TOP1: variants seen among roughly 807,000 people sequenced by gnomAD.
TOP1 encodes the protein DNA topoisomerase I, also known as DNA topoisomerase 1.
In TOP1, 10 loss-of-function variants were observed where a neutral mutation model predicts 111.1. The ratio of observed to expected loss-of-function variants is 0.09; its 90% CI spans 0.06 to 0.15. The LOEUF (loss-of-function observed/expected upper bound fraction) is 0.15, where lower values mean the gene tolerates loss of function less well. Ranked by LOEUF, TOP1 falls within the 10% of genes least tolerant of loss-of-function variation. TOP1 has a pLI of 1.00. For synonymous variants in TOP1, 271 were observed against 302.9 expected (o/e 0.89, Z 1.10); for missense variants, 474 against 926.7 (o/e 0.51, Z 6.34).
intron 2 of TOP1, among the ~76,000 whole-genome samples, chr20:41,054,545 T>C (rs2033445960): frequency 6.6e-6 from 1 of 152,248 alleles, no homozygotes; most frequent in African/African-American, 2.4e-5. Flanking sequence ...GAACTGGGAC[T>C]ATTTCTCTAT....
chr20:41,055,997 T>C (rs1320382993), intron 2 of TOP1, among the ~76,000 whole-genome samples: 1 of 152,116 alleles, frequency 6.6e-6, no homozygotes, highest in Non-Finnish European at 1.5e-5. Context: ...CATAGAGAAA[T>C]ATAATGAACT....
At chr20:41,052,024 T>A (rs2033412049) in intron 2 of TOP1, among the ~76,000 whole-genome samples, 1 of 152,188 alleles carries the variant, frequency 6.6e-6, no homozygotes, top group Non-Finnish European at 1.5e-5. Flanking sequence ...ATCACTGAAA[T>A]TTTCTGAGCC....
intron 2 of TOP1, among the ~76,000 whole-genome samples, chr20:41,054,602 G>A (rs2033447066): frequency 6.6e-6 from 1 of 152,180 alleles, no homozygotes; most frequent in Non-Finnish European, 1.5e-5. Flanking sequence ...TTGAAAGCAC[G>A]CTAGCATGGT....
At chr20:41,073,910 C>T (rs1377299677) in intron 3 of TOP1, among the ~76,000 whole-genome samples, 1 of 152,100 alleles carries the variant, frequency 6.6e-6, no homozygotes, top group Non-Finnish European at 1.5e-5. Flanking sequence ...GCAATTGTTC[C>T]CAGATGTTTT....
intron 14 of TOP1, among the ~76,000 whole-genome samples, chr20:41,113,727 A>G (rs113938402): frequency 4.0e-5 from 6 of 150,878 alleles, no homozygotes; most frequent in Non-Finnish European, 8.9e-5. Flanking sequence ...AAAAAAAAAA[A>G]AAAAATAAAA....
intron 2 of TOP1, among the ~76,000 whole-genome samples, chr20:41,038,363 G>A (rs1048891623): frequency 6.6e-6 from 1 of 152,144 alleles, no homozygotes; most frequent in Non-Finnish European, 1.5e-5. Context: ...TTTATGAAAG[G>A]TGAAGCTTAG....
intron 6 of TOP1, 121 bp from the exon 7 acceptor site, chr20:41,081,044 C>A: frequency 1.2e-6 from 1 of 803,816 alleles, no homozygotes; most frequent in Non-Finnish European, 1.9e-6. Flanking sequence ...GTAGAATGCC[C>A]AGCCAAGAAT....
chr20:41,035,231 C>T (rs575109524), intron 2 of TOP1, among the ~76,000 whole-genome samples: 2 of 152,220 alleles, frequency 1.3e-5, no homozygotes, highest in East Asian at 3.9e-4. Flanking sequence ...TTGTCTTAAG[C>T]TTCTAGTTTC....
Position 41,030,994 on chromosome 20 carries a change from A to G in TOP1, c.58+1539A>G, listed in dbSNP as rs1261189366. Among the ~76,000 whole-genome samples, 2 of 152,230 alleles carry G rather than the reference A, an allele frequency of 1.3e-5. No individual in the cohort carries two copies. The highest frequency in any genetic ancestry group is 2.9e-5 in the Non-Finnish European group (2 of 68,038). Reference sequence around the variant, plus strand: ...TTGGGGGAGACATAATTAGTTAATTATAAGGTAACTACTGGGGCATATGTG... The same window carrying G: ...TTGGGGGAGACATAATTAGTTAATTGTAAGGTAACTACTGGGGCATATGTG... On this transcript the variant is annotated intron_variant, in intron 2 of 20. Transcript: ENST00000361337. This position sits in a 1 kb window ranked among gnomAD's most constrained non-coding sequence, Gnocchi z 4.1.
Position 41,112,574 on chromosome 20 carries a change from T to C in TOP1, c.1309-208T>C, listed in dbSNP as rs549580892. 6.6e-6 allele frequency among the ~76,000 whole-genome samples: 1 copy of C among 152,380 alleles called. No individual in the cohort carries two copies. The highest frequency in any genetic ancestry group is 2.1e-4 in the South Asian group (1 of 4,832). Reference sequence around the variant, plus strand: ...CAAGTTCCTGCTCTTTTGTTCAAAGTCTTGCTTTGTCACCCATGGTGGAGT... The same window carrying C: ...CAAGTTCCTGCTCTTTTGTTCAAAGCCTTGCTTTGTCACCCATGGTGGAGT... On this transcript the variant is annotated intron_variant, in intron 13 of 20. Transcript: ENST00000361337. This position sits in a 1 kb window ranked among gnomAD's most constrained non-coding sequence, Gnocchi z 5.8.
At chr20:41,113,603 C>T (rs1352249781) in intron 14 of TOP1, among the ~76,000 whole-genome samples, 2 of 151,570 alleles carry the variant, frequency 1.3e-5, no homozygotes, top group South Asian at 2.1e-4. Flanking sequence ...AAAGGCTGGG[C>T]GCAGTGGCTC....
rs887123467 is a variant in TOP1 at position 41,071,916 on chromosome 20, C to G, written c.156-4255C>G. On this transcript the variant is annotated intron_variant, in intron 3 of 20. Transcript: ENST00000361337. The surrounding 1 kb of genome is among the most constrained non-coding windows in gnomAD (Gnocchi z 4.3). The stretch of plus-strand genomic sequence containing the variant: ...TTCATATTTCATCCATAAGTGTGAC[C>G]ATTGCAGAAGTTCTAGGACTGCTAC... Among the ~76,000 whole-genome samples, 3 of 152,126 alleles carry G rather than the reference C, an allele frequency of 2.0e-5. No homozygotes were observed. Among genetic ancestry groups the G allele is most frequent in the African/African-American group, 7.2e-5 (3 of 41,404 alleles).
chr20:41,090,840 A>C (rs915176672), intron 8 of TOP1, among the ~76,000 whole-genome samples: 4 of 152,120 alleles, frequency 2.6e-5, no homozygotes, highest in Admixed American at 2.0e-4. Context: ...CCTGTGTTTT[A>C]CGTGTCATAT....
In TOP1 at chr20:41,077,464, A is replaced by G. The variant is rs185493484; in HGVS notation, c.280-118A>G. ...TTAGTTCATCTGTTCAGTTTTGGTA[A>G]CATAAGAGCCAGCTTGTGATCATGA... is the stretch of plus-strand genomic sequence containing the variant. On this transcript the variant is annotated intron_variant, in intron 4 of 20. Coordinates refer to ENST00000361337, the MANE Select transcript of TOP1 (RefSeq NM_003286.4). 1.1e-3 allele frequency: 900 copies of G among 792,758 alleles called. 2 individuals are homozygous for G. Among genetic ancestry groups the G allele is most frequent in the Admixed American group, 1.9e-3 (90 of 46,496 alleles). The allele number at this position is 792,758 out of a possible 1,614,324, so 49.1% of individuals were successfully genotyped here. A position where few individuals can be genotyped will look rare whatever the true frequency, so the allele number is the denominator to read the frequency against.
intron 2 of TOP1, among the ~76,000 whole-genome samples, chr20:41,050,083 T>A (rs1294175070): frequency 6.6e-6 from 1 of 152,258 alleles, no homozygotes; most frequent in Non-Finnish European, 1.5e-5. Context: ...AATGGCACGA[T>A]CTTGGCTCAC....
At chr20:41,033,347 CAAAAA>C (rs34731706) in intron 2 of TOP1, among the ~76,000 whole-genome samples, 3 of 100,884 alleles carry the variant, frequency 3.0e-5, no homozygotes, top group Admixed American at 1.0e-4. Context: ...CCAATAGCAG[CAAAAA>C]AAAAAAAAAA....
In TOP1 at chr20:41,029,274, GT is replaced by G. The variant is rs2033083809; in HGVS notation, c.34-155del. Among the ~76,000 whole-genome samples the G allele has an allele frequency of 6.6e-6, 1 of 152,044 alleles. No homozygotes were observed. The highest frequency in any genetic ancestry group is 2.4e-5 in the African/African-American group (1 of 41,426). ...CTAGGCCGCGAGCGAGGGCCGCGAA[GT>G]TACAGTTCGAGGCAGGGATGGCTGC... On this transcript the variant is annotated intron_variant, in intron 1 of 20. Coordinates refer to ENST00000361337, the MANE Select transcript of TOP1 (RefSeq NM_003286.4). This position sits in a 1 kb window ranked among gnomAD's most constrained non-coding sequence, Gnocchi z 6.1.
chr20:41,040,549 A>G (rs1364074130), intron 2 of TOP1, among the ~76,000 whole-genome samples: 2 of 152,156 alleles, frequency 1.3e-5, no homozygotes, highest in East Asian at 3.8e-4. Context: ...TTTCCAAACC[A>G]CAAGTGCTCC....
rs2033668709 is a variant in TOP1 at position 41,071,492 on chromosome 20, G to GCC, written c.156-4679_156-4678insCC. On this transcript the variant is annotated intron_variant, in intron 3 of 20. Coordinates refer to ENST00000361337, the MANE Select transcript of TOP1 (RefSeq NM_003286.4). This position sits in a 1 kb window ranked among gnomAD's most constrained non-coding sequence, Gnocchi z 4.3. Reference sequence around the variant, plus strand: ...CCCCAGTAGCTGGGATTACAGGCATGTGCCACCACGCCCAGCTAATTTTTG... The same window carrying GCC: ...CCCCAGTAGCTGGGATTACAGGCATGCCTGCCACCACGCCCAGCTAATTTTTG... 6.6e-6 allele frequency among the ~76,000 whole-genome samples: 1 copy of GCC among 152,018 alleles called. No homozygotes were observed. The highest frequency in any genetic ancestry group is 1.5e-5 in the Non-Finnish European group (1 of 67,996).
Sources: allele counts gnomAD v4.1 joint callset (sites outside exome capture counted in the v4.1 genomes callset), GRCh38; gene constraint gnomAD v4.1.1; non-coding constraint Gnocchi (gnomAD v3.1); transcripts MANE v1.5; gene names NCBI Gene and HGNC (gene_info 2026-07-23, HGNC 2026-07-21).